CTNNA2: variants seen among roughly 807,000 people sequenced by gnomAD.
CTNNA2 encodes catenin alpha 2.
In CTNNA2, 42 loss-of-function variants were observed where a neutral mutation model predicts 101.0. The ratio of observed to expected loss-of-function variants is 0.42; its 90% CI spans 0.32 to 0.54. The LOEUF is 0.54. Among genes scored for constraint, CTNNA2 ranks in the 20% least tolerant of loss-of-function variants. The probability of loss-of-function intolerance (pLI) is 0.14; values close to 1 mark genes in which losing one functional copy is unlikely to be tolerated. For missense variants in CTNNA2, 871 were observed against 1,223.1 expected, an observed-to-expected ratio of 0.71 and a Z score of 4.29; for synonymous variants, 450 against 456.4, an observed-to-expected ratio of 0.99 and a Z score of 0.18.
intron 7 of CTNNA2, among the ~76,000 whole-genome samples, chr2:80,050,992 C>T (rs1396311268): frequency 4.6e-5 from 7 of 152,162 alleles, no homozygotes; most frequent in South Asian, 2.1e-4. Flanking sequence ...TCCCCAAGTG[C>T]TAAGATTACA....
chr2:79,426,192 T>C (rs181764752), intron 4 of CTNNA2, among the ~76,000 whole-genome samples: 2 of 152,238 alleles, frequency 1.3e-5, no homozygotes, highest in Non-Finnish European at 2.9e-5. Context: ...CAGCAACTCT[T>C]TGGGTGTGTC....
intron 1 of CTNNA2, among the ~76,000 whole-genome samples, chr2:79,573,152 A>G (rs762680802): frequency 2.0e-5 from 3 of 152,186 alleles, no homozygotes; most frequent in Non-Finnish European, 4.4e-5. Flanking sequence ...TTTTAAAACA[A>G]AATTACTGTT....
rs565487008 is a variant in CTNNA2 at position 79,668,011 on chromosome 2, C to T, written c.102+16353C>T. 4.0e-4 allele frequency among the ~76,000 whole-genome samples: 61 copies of T among 150,796 alleles called. 2 individuals carry two copies. The highest frequency in any genetic ancestry group is 1.1e-3 in the African/African-American group (47 of 41,384). Reference sequence around the variant, plus strand: ...ATCCCAGCACTTTGGGAGGCCGAGGCGGGTGGATCATGAGGTCAGGAGATC... The same window carrying T: ...ATCCCAGCACTTTGGGAGGCCGAGGTGGGTGGATCATGAGGTCAGGAGATC... On this transcript the variant is annotated intron_variant, in intron 2 of 18. Coordinates refer to ENST00000402739, the MANE Select transcript of CTNNA2 (RefSeq NM_001282597.3).
chr2:79,534,931 GA>G (rs943310549), intron 1 of CTNNA2, among the ~76,000 whole-genome samples: 6 of 150,048 alleles, frequency 4.0e-5, no homozygotes, highest in Admixed American at 1.3e-4. Flanking sequence ...AAAACAAATA[GA>G]AAAAAATACA....
chr2:79,674,291 T>A (rs1262291336), intron 2 of CTNNA2, among the ~76,000 whole-genome samples: 5 of 152,178 alleles, frequency 3.3e-5, no homozygotes, highest in Admixed American at 3.3e-4. Flanking sequence ...GGGTAGAATT[T>A]TATTCTTTTG....
intron 4 of CTNNA2, among the ~76,000 whole-genome samples, chr2:79,432,850 G>T (rs554437498): frequency 6.6e-6 from 1 of 152,152 alleles, no homozygotes; most frequent in Admixed American, 6.5e-5. Context: ...AATAACAAAG[G>T]CTCTCTTTTG....
chr2:79,415,208 T>C (rs540330034), intron 4 of CTNNA2, among the ~76,000 whole-genome samples: 1 of 152,230 alleles, frequency 6.6e-6, no homozygotes, highest in Non-Finnish European at 1.5e-5. Flanking sequence ...TGAGTTCACA[T>C]GAGATCTGGT....
At chr2:80,544,028 T>C (rs2149626910) in intron 9 of CTNNA2, among the ~76,000 whole-genome samples, 1 of 152,246 alleles carries the variant, frequency 6.6e-6, no homozygotes, top group African/African-American at 2.4e-5. Flanking sequence ...CTGTTGACCT[T>C]GGCTAATCAA....
At chr2:79,846,335 T>C (rs1680228996) in intron 3 of CTNNA2, among the ~76,000 whole-genome samples, 1 of 152,234 alleles carries the variant, frequency 6.6e-6, no homozygotes, top group Non-Finnish European at 1.5e-5. Context: ...GCCTGGTTTA[T>C]TTAGCTGTAG....
intron 1 of CTNNA2, among the ~76,000 whole-genome samples, chr2:79,638,960 G>A (rs933603171): frequency 2.0e-5 from 3 of 152,076 alleles, no homozygotes; most frequent in African/African-American, 2.4e-5. Flanking sequence ...TCATAGCCTC[G>A]GTTAATTTGT....
chr2:80,618,064 A>T (rs543240628), intron 17 of CTNNA2, among the ~76,000 whole-genome samples: 3 of 151,826 alleles, frequency 2.0e-5, no homozygotes, highest in Non-Finnish European at 4.4e-5. Context: ...TTTTGCCATA[A>T]TCAATAACTT....
chr2:80,327,787 C>A (rs1414836517), intron 7 of CTNNA2, among the ~76,000 whole-genome samples: 2 of 152,180 alleles, frequency 1.3e-5, no homozygotes, highest in Non-Finnish European at 2.9e-5. Context: ...TTCTTTCCTG[C>A]TTTACTATCT....
rs140576277 is a variant in CTNNA2, at chr2:80,330,369, G to T, written c.1057-62842G>T. On this transcript the variant is annotated intron_variant, in intron 7 of 18. Transcript: ENST00000402739. ...CATGCCCACAGATAACTTGTACTTA[G>T]CTAAGAGACTACTTCTAGTGGGAGA... Among the ~76,000 whole-genome samples, 363 of 152,282 alleles carry T rather than the reference G, an allele frequency of 2.4e-3. 2 individuals carry two copies. Among genetic ancestry groups the T allele is most frequent in the African/African-American group, 7.6e-3 (318 of 41,576 alleles).
At chr2:79,537,632 T>A (rs565327244) in intron 1 of CTNNA2, among the ~76,000 whole-genome samples, 1 of 152,218 alleles carries the variant, frequency 6.6e-6, no homozygotes, top group Admixed American at 6.5e-5. Flanking sequence ...AATTCAGGGG[T>A]TCACCCAGTA....
At chr2:79,288,731 G>A (rs1223542784) in intron 2 of CTNNA2, among the ~76,000 whole-genome samples, 1 of 152,046 alleles carries the variant, frequency 6.6e-6, no homozygotes, top group African/African-American at 2.4e-5. Flanking sequence ...CTTACACCTG[G>A]GCCCAGAAGT....
intron 15 of CTNNA2, among the ~76,000 whole-genome samples, chr2:80,589,906 G>GTGTGCA (rs1491389605): frequency 4.1e-5 from 6 of 146,144 alleles, no homozygotes; most frequent in African/African-American, 1.3e-4. Context: ...GTGTGTGTGT[G>GTGTGCA]CGCGCGCGCG....
At chr2:80,316,973 G>A (rs984318379) in intron 7 of CTNNA2, among the ~76,000 whole-genome samples, 4 of 152,052 alleles carry the variant, frequency 2.6e-5, no homozygotes, top group Non-Finnish European at 5.9e-5. Context: ...CTTTATCTAC[G>A]GGTAGGCAAG....
At chr2:79,859,669 G>A (rs1574152440) in intron 4 of CTNNA2, among the ~76,000 whole-genome samples, 2 of 151,902 alleles carry the variant, frequency 1.3e-5, no homozygotes, top group South Asian at 4.2e-4. Flanking sequence ...TTCAGGGAAT[G>A]GGTTCTGAAA....
At chr2:80,479,906 CT>C (rs1686019190) in intron 9 of CTNNA2, among the ~76,000 whole-genome samples, 1 of 152,134 alleles carries the variant, frequency 6.6e-6, no homozygotes, top group Non-Finnish European at 1.5e-5. Context: ...CTTTTGTCAA[CT>C]TTGGAGAAAG....
Sources: gnomAD v4.1 joint callset for allele counts (sites outside exome capture counted in the v4.1 genomes callset) on GRCh38, gnomAD v4.1.1 for gene constraint, MANE v1.5 for transcripts, NCBI Gene and HGNC (gene_info 2026-07-23, HGNC 2026-07-21) for gene names.